The following LRRTM4 variants were observed in gnomAD, a reference collection of about 807,000 sequenced individuals.
LRRTM4 encodes leucine-rich repeat transmembrane neuronal protein 4.
LRRTM4 carries 25 observed loss-of-function variants against 47.6 expected under a neutral mutation model. That is an observed-to-expected ratio of 0.53 (90% CI 0.38 to 0.73). The LOEUF (loss-of-function observed/expected upper bound fraction) is 0.73. LRRTM4 is among the 30% of genes least tolerant of loss of function. LRRTM4 has a pLI of 0.00. For missense variants in LRRTM4, 638 were observed against 713.4 expected (o/e 0.89, Z 1.20); for synonymous variants, 311 against 269.5 (o/e 1.15, Z -1.51).
At chr2:77,280,875 GC>G (rs1343156671) in intron 3 of LRRTM4, among the ~76,000 whole-genome samples, 1 of 151,836 alleles carries the variant, frequency 6.6e-6, no homozygotes, top group Non-Finnish European at 1.5e-5. Context: ...TTGAAATCTA[GC>G]TTATGTTAAT....
At chr2:77,055,741 G>A (rs1246652966) in intron 3 of LRRTM4, among the ~76,000 whole-genome samples, 38 of 151,846 alleles carry the variant, frequency 2.5e-4, no homozygotes, top group Admixed American at 6.6e-4. Context: ...ACATGCACAC[G>A]TATGTTTATT....
chr2:77,331,812 A>G (rs1404810974), intron 3 of LRRTM4, among the ~76,000 whole-genome samples: 2 of 152,056 alleles, frequency 1.3e-5, no homozygotes, highest in African/African-American at 4.8e-5. Flanking sequence ...GTTTTTTTCT[A>G]GTGTTATATG....
At chr2:77,373,088 AATAT>A (rs1553435843) in intron 3 of LRRTM4, among the ~76,000 whole-genome samples, 4 of 140,344 alleles carry the variant, frequency 2.9e-5, no homozygotes, top group Admixed American at 7.1e-5. Context: ...TTAAAAAAAA[AATAT>A]ATATATATAT....
intron 3 of LRRTM4, among the ~76,000 whole-genome samples, chr2:77,260,374 CGT>C (rs58758948): frequency 0.16 from 21,856 of 140,324 alleles, 1,722 homozygotes; most frequent in Middle Eastern, 0.25. Flanking sequence ...ACCAAAAAAT[CGT>C]GTGTGTGTGT....
intron 3 of LRRTM4, among the ~76,000 whole-genome samples, chr2:77,368,365 A>G (rs745689313): frequency 5.9e-5 from 9 of 151,732 alleles, no homozygotes; most frequent in Non-Finnish European, 1.3e-4. Context: ...AGGGGCATCC[A>G]GTTTGGTTTT....
intron 3 of LRRTM4, among the ~76,000 whole-genome samples, chr2:77,134,865 C>T (rs1671891713): frequency 6.6e-6 from 1 of 152,156 alleles, no homozygotes; most frequent in Admixed American, 6.5e-5. Flanking sequence ...TTATTTGCCA[C>T]ATCTATGCTC....
At chr2:76,923,645 C>T (rs1224168418) in intron 3 of LRRTM4, among the ~76,000 whole-genome samples, 2 of 152,028 alleles carry the variant, frequency 1.3e-5, no homozygotes, top group African/African-American at 4.8e-5. Context: ...AAAGCACTTC[C>T]TGTGCATTTT....
intron 3 of LRRTM4, among the ~76,000 whole-genome samples, chr2:76,914,871 C>G (rs968421545): frequency 2.0e-5 from 3 of 152,106 alleles, no homozygotes; most frequent in East Asian, 3.9e-4. Context: ...AGCAAAGGCT[C>G]TAGATCACAG....
intron 3 of LRRTM4, among the ~76,000 whole-genome samples, chr2:77,070,318 G>A (rs1349596406): frequency 6.6e-6 from 1 of 152,022 alleles, no homozygotes; most frequent in African/African-American, 2.4e-5. Context: ...TGTTACTTCT[G>A]ACAAACTTTT....
chr2:77,030,185 C>G (rs1316271834), intron 3 of LRRTM4, among the ~76,000 whole-genome samples: 4 of 152,192 alleles, frequency 2.6e-5, no homozygotes, highest in Non-Finnish European at 5.9e-5. Context: ...GTAATCCCAG[C>G]ACTTTGGGAG....
chr2:77,008,962 AC>A (rs1677768142), intron 3 of LRRTM4: 1 of 151,258 alleles, frequency 6.6e-6, no homozygotes. Flanking sequence ...GAAAAAAAAA[AC>A]GATGAAATGC....
chr2:77,433,369 T>G (rs2103910291), intron 3 of LRRTM4, among the ~76,000 whole-genome samples: 1 of 152,192 alleles, frequency 6.6e-6, no homozygotes, highest in South Asian at 2.1e-4. Context: ...TATTATATTT[T>G]GAGAAAAAAA....
chr2:76,846,609 T>C (rs11887479), intron 3 of LRRTM4, among the ~76,000 whole-genome samples: 30,739 of 151,622 alleles, frequency 0.2, 3,270 homozygotes, highest in Admixed American at 0.27. Flanking sequence ...AGAGAAACAC[T>C]CACTTAATCA....
At chr2:76,819,350 C>T (rs562957904) in intron 3 of LRRTM4, among the ~76,000 whole-genome samples, 13 of 151,754 alleles carry the variant, frequency 8.6e-5, no homozygotes, top group Non-Finnish European at 1.2e-4. Context: ...AAAAATAGTA[C>T]GCATACTTCC....
chr2:77,341,772 C>T lies in LRRTM4; in HGVS notation c.1551+176546G>A, dbSNP rs115435964. 6.4e-3 allele frequency among the ~76,000 whole-genome samples: 973 copies of T among 151,936 alleles called. 8 individuals are homozygous for T. Among genetic ancestry groups the T allele is most frequent in the African/African-American group, 0.022 (918 of 41,468 alleles). ...GACCTTTTAATATGAGTGTTTTAGG[C>T]ATGGATGGGAGTTTCTCAATTTGGG... On this transcript the variant is annotated intron_variant, in intron 3 of 3. Coordinates refer to ENST00000409884, the MANE Select transcript of LRRTM4 (RefSeq NM_001134745.3).
In LRRTM4 at chr2:77,522,298, T is replaced by C. The variant is rs1679546328; in HGVS notation, c.-337A>G. On this transcript the variant is annotated 5_prime_UTR_variant, in exon 1 of 4. Coordinates refer to ENST00000409884, the MANE Select transcript of LRRTM4 (RefSeq NM_001134745.3). ...TTGTAGCTGTGCTGGGAGGCAGCCCTTGTCTAATTCAGAAGGCTTTCCAGA... is the reference window on the plus strand; with the variant it reads ...TTGTAGCTGTGCTGGGAGGCAGCCCCTGTCTAATTCAGAAGGCTTTCCAGA... 1.9e-5 allele frequency: 10 copies of C among 539,870 alleles called. No individual in the cohort carries two copies. In the South Asian group the frequency reaches 1.9e-4, roughly 10 times the overall value. 33.4% of individuals were successfully genotyped at this position (539,870 alleles called of 1,614,324 possible). A position where few individuals can be genotyped will look rare whatever the true frequency, so the allele number is the denominator to read the frequency against.
At chr2:77,282,447 T>C (rs1374606261) in intron 3 of LRRTM4, among the ~76,000 whole-genome samples, 2 of 151,606 alleles carry the variant, frequency 1.3e-5, no homozygotes, top group Non-Finnish European at 3.0e-5. Context: ...TTTTTTTCTT[T>C]TCCCTGATTG....
intron 3 of LRRTM4, among the ~76,000 whole-genome samples, chr2:77,333,205 C>A (rs931731262): frequency 6.6e-6 from 1 of 152,102 alleles, no homozygotes; most frequent in African/African-American, 2.4e-5. Context: ...GTCTTAACAG[C>A]AGAGTGAAAG....
intron 3 of LRRTM4, among the ~76,000 whole-genome samples, chr2:77,117,237 A>G (rs561253143): frequency 1.1e-4 from 16 of 152,196 alleles, no homozygotes; most frequent in African/African-American, 3.6e-4. Context: ...TATGTTTTCA[A>G]ATATCTATAA....
Sources: allele counts gnomAD v4.1 joint callset (sites outside exome capture counted in the v4.1 genomes callset), GRCh38; gene constraint gnomAD v4.1.1; transcripts MANE v1.5; gene names NCBI Gene and HGNC (gene_info 2026-07-23, HGNC 2026-07-21).